PPM1H: variants seen among roughly 807,000 people sequenced by gnomAD.
PPM1H encodes protein phosphatase 1H.
In PPM1H, 27 loss-of-function variants were observed where a neutral mutation model predicts 54.9. The observed-to-expected ratio is 0.49, with a 90% CI of 0.36 to 0.68. The LOEUF is 0.68. Among genes scored for constraint, PPM1H ranks in the 30% least tolerant of loss-of-function variants. The probability of loss-of-function intolerance (pLI) is 0.00; values close to 1 mark genes in which losing one functional copy is unlikely to be tolerated. For synonymous variants in PPM1H, 305 were observed against 270.8 expected (o/e 1.13, Z -1.24); for missense variants, 596 against 667.8 (o/e 0.89, Z 1.19).
intron 4 of PPM1H, among the ~76,000 whole-genome samples, chr12:62,737,932 C>G (rs1003112566): frequency 1.3e-5 from 2 of 152,266 alleles, no homozygotes; most frequent in African/African-American, 2.4e-5. Context: ...CTTGCTCTAG[C>G]CCAGGGTTAT....
intron 1 of PPM1H, among the ~76,000 whole-genome samples, chr12:62,862,808 G>A (rs1869646629): frequency 6.6e-6 from 1 of 152,146 alleles, no homozygotes; most frequent in South Asian, 2.1e-4. Context: ...GAAAGGCAGA[G>A]ATATAGTAAA....
intron 4 of PPM1H, among the ~76,000 whole-genome samples, chr12:62,747,014 C>T (rs1254908912): frequency 2.6e-5 from 4 of 152,188 alleles, no homozygotes; most frequent in African/African-American, 7.2e-5. Flanking sequence ...TGCAGTGGCA[C>T]GATCGTGGCT....
In PPM1H at chr12:62,710,271, C is replaced by G. The variant is rs1196475716; in HGVS notation, c.1073+9900G>C. Reference sequence around the variant, plus strand: ...TCAGCTGAGTGCAGTGTGGCTCACACCTGTAATCCCAGCACTTTGGGAGGC... The same window carrying G: ...TCAGCTGAGTGCAGTGTGGCTCACAGCTGTAATCCCAGCACTTTGGGAGGC... On this transcript the variant is annotated intron_variant, in intron 6 of 9. Coordinates refer to ENST00000228705, the MANE Select transcript of PPM1H (RefSeq NM_020700.2). Among the ~76,000 whole-genome samples the G allele has an allele frequency of 2.7e-5, 4 of 150,276 alleles. No individual in the cohort carries two copies. In the East Asian group the frequency reaches 8.0e-4, roughly 30 times the overall value.
rs527318310 is a variant in PPM1H, at chr12:62,759,294, T to C, written c.870-21708A>G. On this transcript the variant is annotated intron_variant, in intron 4 of 9. Transcript: ENST00000228705. ...CTCACTCCATGAAGAGATCCACCTA[T>C]GACATCAGGTCCTCAGACCAACCAG... Among the ~76,000 whole-genome samples the C allele has an allele frequency of 1.7e-4, 26 of 152,340 alleles. 1 individual carries two copies. Among genetic ancestry groups the C allele is most frequent in the Non-Finnish European group, 1.9e-4 (13 of 68,026 alleles).
chr12:62,699,186 TTTTTTA>T (rs779154381), intron 6 of PPM1H, among the ~76,000 whole-genome samples: 7 of 152,172 alleles, frequency 4.6e-5, no homozygotes, highest in Non-Finnish European at 7.4e-5. Flanking sequence ...TTCCTTTTTA[TTTTTTA>T]TTTTTATTTA....
chr12:62,793,679 G>A (rs1565790305), intron 3 of PPM1H, among the ~76,000 whole-genome samples: 3 of 145,822 alleles, frequency 2.1e-5, no homozygotes, highest in Non-Finnish European at 4.5e-5. Context: ...AGCCCAGATC[G>A]CGCCAAGCCA....
intron 4 of PPM1H, among the ~76,000 whole-genome samples, chr12:62,741,760 T>C (rs2076382110): frequency 6.6e-6 from 1 of 152,146 alleles, no homozygotes; most frequent in Admixed American, 6.5e-5. Context: ...TGTCTCTGAA[T>C]CTCCAGTGCT....
At chr12:62,762,552 A>C (rs2076515725) in intron 4 of PPM1H, among the ~76,000 whole-genome samples, 2 of 152,244 alleles carry the variant, frequency 1.3e-5, no homozygotes, top group African/African-American at 4.8e-5. Context: ...ACCTGACAGC[A>C]GTAACTCAAG....
chr12:62,892,970 A>G (rs892951692), intron 1 of PPM1H, among the ~76,000 whole-genome samples: 1 of 152,188 alleles, frequency 6.6e-6, no homozygotes, highest in Non-Finnish European at 1.5e-5. Context: ...GCTTTCAGCA[A>G]CAGAACATGG....
At chr12:62,697,186 G>A (rs2076119511) in intron 6 of PPM1H, among the ~76,000 whole-genome samples, 1 of 151,174 alleles carries the variant, frequency 6.6e-6, no homozygotes, top group Non-Finnish European at 1.5e-5. Flanking sequence ...GAGTACAATG[G>A]TGCGATCTCG....
At chr12:62,745,374 T>C (rs1214238643) in intron 4 of PPM1H, among the ~76,000 whole-genome samples, 1 of 152,188 alleles carries the variant, frequency 6.6e-6, no homozygotes, top group East Asian at 1.9e-4. Flanking sequence ...CTTTTCTTTA[T>C]ATATTTTTGT....
At chr12:62,817,225 G>C (rs1355517534) in intron 2 of PPM1H, among the ~76,000 whole-genome samples, 1 of 148,306 alleles carries the variant, frequency 6.7e-6, no homozygotes, top group East Asian at 1.9e-4. Flanking sequence ...CACTTTGGGA[G>C]GCTGAGGCGG....
intron 1 of PPM1H, among the ~76,000 whole-genome samples, chr12:62,919,534 T>A (rs1871726230): frequency 6.6e-6 from 1 of 152,210 alleles, no homozygotes. Flanking sequence ...ATCAGTTCAA[T>A]ATGATTTTCA....
chr12:62,768,138 C>G (rs191705709), intron 4 of PPM1H, among the ~76,000 whole-genome samples: 1 of 152,152 alleles, frequency 6.6e-6, no homozygotes, highest in Non-Finnish European at 1.5e-5. Context: ...CTCGCCCACA[C>G]CCCCGTGGTT....
chr12:62,757,182 T>A (rs984440119), intron 4 of PPM1H, among the ~76,000 whole-genome samples: 3 of 152,122 alleles, frequency 2.0e-5, no homozygotes, highest in Non-Finnish European at 2.9e-5. Context: ...TAGGGCTGGG[T>A]TATGAATCTG....
At chr12:62,753,191 G>A (rs1327831875) in intron 4 of PPM1H, among the ~76,000 whole-genome samples, 4 of 152,144 alleles carry the variant, frequency 2.6e-5, no homozygotes, top group African/African-American at 9.7e-5. Context: ...AGAAAAATAG[G>A]TCTGTTCTCT....
chr12:62,736,040 T>C lies in PPM1H; in HGVS notation c.954+1462A>G, dbSNP rs550304219. ...GCCAAGAAGGGCGGTCTGCATTCTG[T>C]AAATTGCAGGGAGCCAAAGGCTTTT... is the stretch of plus-strand genomic sequence containing the variant. On this transcript the variant is annotated intron_variant, in intron 5 of 9. Transcript: ENST00000228705. Among the ~76,000 whole-genome samples, 6 of 152,180 alleles carry C rather than the reference T, an allele frequency of 3.9e-5. No homozygotes were observed. The East Asian group carries it at 1.2e-3, about 29-fold the overall frequency.
intron 2 of PPM1H, among the ~76,000 whole-genome samples, chr12:62,831,414 A>G (rs368863955): frequency 4.6e-5 from 7 of 152,244 alleles, no homozygotes; most frequent in African/African-American, 1.4e-4. Context: ...TTTATTCCCC[A>G]GAAACTGGAG....
intron 1 of PPM1H, among the ~76,000 whole-genome samples, chr12:62,901,508 T>C (rs1460705890): frequency 6.6e-6 from 1 of 152,234 alleles, no homozygotes; most frequent in East Asian, 1.9e-4. Context: ...GTTTTTGTGC[T>C]GAGGGGGACT....
Sources: gnomAD v4.1 joint callset for allele counts (sites outside exome capture counted in the v4.1 genomes callset) on GRCh38, gnomAD v4.1.1 for gene constraint, MANE v1.5 for transcripts, NCBI Gene and HGNC (gene_info 2026-07-23, HGNC 2026-07-21) for gene names.